Variants in GRIA2 observed in about 807,000 individuals in gnomAD.
GRIA2 encodes glutamate receptor 2.
In GRIA2, 14 loss-of-function variants were observed where a neutral mutation model predicts 97.3. The observed-to-expected ratio is 0.14, with a 90% CI of 0.10 to 0.23. The LOEUF is 0.23. Among genes scored for constraint, GRIA2 ranks in the 10% least tolerant of loss-of-function variants. The pLI, the probability that GRIA2 is intolerant of heterozygous loss-of-function variation, is 1.00. For synonymous variants in GRIA2, 412 were observed against 387.8 expected (o/e 1.06, Z -0.73); for missense variants, 558 against 1,069.8 (o/e 0.52, Z 6.67).
At chr4:157,237,235 T>C (rs926821654) in intron 2 of GRIA2, among the ~76,000 whole-genome samples, 3 of 152,060 alleles carry the variant, frequency 2.0e-5, no homozygotes, top group African/African-American at 7.2e-5. Context: ...GGTTAGCCAA[T>C]TGTCACAACG....
At chr4:157,310,404 T>C (rs1203493813) in intron 3 of GRIA2, among the ~76,000 whole-genome samples, 4 of 152,132 alleles carry the variant, frequency 2.6e-5, no homozygotes, top group African/African-American at 7.2e-5. Flanking sequence ...AAAAATAAAT[T>C]ATTTTTAATG....
intron 2 of GRIA2, among the ~76,000 whole-genome samples, chr4:157,256,226 A>AACATATATTACATATATAGGTTATATATT (rs1554007393): frequency 8.3e-6 from 1 of 119,872 alleles, no homozygotes; most frequent in African/African-American, 3.4e-5. Context: ...TATAATATAT[A>AACATATATTACATATATAGGTTATATATT]ATATATAATA....
chr4:157,269,636 T>G (rs9307961), intron 2 of GRIA2, among the ~76,000 whole-genome samples: 49,847 of 151,858 alleles, frequency 0.33, 8,594 homozygotes, highest in African/African-American at 0.42. Context: ...ATCTTTTCTT[T>G]TCTTAATAGT....
Position 157,229,179 on chromosome 4 carries a change from T to C in GRIA2, c.229+7372T>C, listed in dbSNP as rs562461206. 8.1e-4 allele frequency among the ~76,000 whole-genome samples: 123 copies of C among 152,356 alleles called. 1 individual carries two copies. Among genetic ancestry groups the C allele is most frequent in the African/African-American group, 2.7e-3 (114 of 41,588 alleles). ...TTGTGGACCAATTGCTCTATTTGCATTAATTTGTGCAATTATTTTGTATGC... is the reference window on the plus strand; with the variant it reads ...TTGTGGACCAATTGCTCTATTTGCACTAATTTGTGCAATTATTTTGTATGC... On this transcript the variant is annotated intron_variant, in intron 2 of 15. Transcript: ENST00000264426.
chr4:157,277,880 A>ATGTATATATGTATATATG (rs1732412646), intron 2 of GRIA2, among the ~76,000 whole-genome samples: 2 of 143,454 alleles, frequency 1.4e-5, no homozygotes, highest in Non-Finnish European at 3.1e-5. Flanking sequence ...ATGTATATAT[A>ATGTATATATGTATATATG]TGTATATATG....
At chr4:157,339,673 T>A (rs1304336706) in intron 11 of GRIA2, among the ~76,000 whole-genome samples, 1 of 151,900 alleles carries the variant, frequency 6.6e-6, no homozygotes, top group Admixed American at 6.6e-5. Flanking sequence ...CATAAATTAA[T>A]ACGCAATATG....
chr4:157,343,014 G>A (rs1232395667), intron 12 of GRIA2, among the ~76,000 whole-genome samples: 1 of 151,982 alleles, frequency 6.6e-6, no homozygotes, highest in East Asian at 1.9e-4. Context: ...GAATTATATG[G>A]CCAGTGTATT....
chr4:157,237,931 G>A (rs978405804), intron 2 of GRIA2, among the ~76,000 whole-genome samples: 7 of 152,086 alleles, frequency 4.6e-5, no homozygotes, highest in African/African-American at 1.4e-4. Flanking sequence ...AATGGGTTAC[G>A]ATTATGTCTT....
chr4:157,305,762 C>T (rs180835771), intron 3 of GRIA2, among the ~76,000 whole-genome samples: 1 of 152,222 alleles, frequency 6.6e-6, no homozygotes, highest in East Asian at 1.9e-4. Context: ...CTTTATAGTA[C>T]TTAGGACAAT....
chr4:157,341,269 T>A lies in GRIA2; in HGVS notation c.1850T>A (p.Leu617His), dbSNP rs771208114. 1 of 1,609,264 alleles carries A rather than the reference T, an allele frequency of 6.2e-7. No individual in the cohort carries two copies. The highest frequency in any genetic ancestry group is 1.7e-5 in the Admixed American group (1 of 59,912). ...CATTTCATACTTGTTATTAGATCCCTCTCTGGGCGCATTGTTGGAGGTGTG... is the reference window on the plus strand; with the variant it reads ...CATTTCATACTTGTTATTAGATCCCACTCTGGGCGCATTGTTGGAGGTGTG... ...QQGCDISPRS[L>H]SGRIVGGVWW... The change falls in exon 12 of 16, where the codon CTC becomes CAC. Residue 617 changes from leucine (L) to histidine (H), a missense_variant. Physicochemically the swap from Leu to His is moderately conservative, Grantham distance 99 (BLOSUM62 -3). Coordinates refer to ENST00000264426, the MANE Select transcript of GRIA2 (RefSeq NM_001083619.3).
chr4:157,247,664 C>A (rs1354249863), intron 2 of GRIA2, among the ~76,000 whole-genome samples: 1 of 152,088 alleles, frequency 6.6e-6, no homozygotes, highest in Non-Finnish European at 1.5e-5. Flanking sequence ...GGAGGCAGTA[C>A]ACTTCGACTT....
chr4:157,330,546 C>T (rs1322734959), intron 6 of GRIA2, among the ~76,000 whole-genome samples: 1 of 151,708 alleles, frequency 6.6e-6, no homozygotes, highest in Non-Finnish European at 1.5e-5. Flanking sequence ...TTTTCATTCT[C>T]CCCTTTTTTG....
chr4:157,346,902 A>G (rs1204569144), intron 12 of GRIA2, among the ~76,000 whole-genome samples: 2 of 152,026 alleles, frequency 1.3e-5, no homozygotes, highest in African/African-American at 4.8e-5. Flanking sequence ...TGACATTTTA[A>G]TTTTTTCTCA....
chr4:157,283,070 G>A (rs1007668955), intron 2 of GRIA2, among the ~76,000 whole-genome samples: 1 of 152,028 alleles, frequency 6.6e-6, no homozygotes, highest in Non-Finnish European at 1.5e-5. Context: ...ACCTCTAGAT[G>A]ATATTTTTTC....
intron 2 of GRIA2, among the ~76,000 whole-genome samples, chr4:157,280,355 GC>G (rs1359644895): frequency 6.6e-6 from 1 of 152,150 alleles, no homozygotes; most frequent in Non-Finnish European, 1.5e-5. Flanking sequence ...GAGAGTTAGT[GC>G]CCAGTGCAAC....
intron 6 of GRIA2, among the ~76,000 whole-genome samples, chr4:157,322,518 T>TG (rs758123642): frequency 6.6e-6 from 1 of 152,184 alleles, no homozygotes; most frequent in Non-Finnish European, 1.5e-5. Context: ...TGCATTTTAT[T>TG]GGGTATACAC....
chr4:157,247,603 T>A (rs1485478652), intron 2 of GRIA2, among the ~76,000 whole-genome samples: 1 of 152,144 alleles, frequency 6.6e-6, no homozygotes, highest in Non-Finnish European at 1.5e-5. Flanking sequence ...GGTGAGCAGG[T>A]CACCTGGAGC....
chr4:157,303,767 G>T lies in GRIA2; in HGVS notation c.445G>T (p.Ala149Ser). ...TGAATACTATCAATGGGACAAGTTT[G>T]CATACCTCTATGACAGTGACAGAGG... ...LIEYYQWDKFAYLYDSDRGLS... is the reference protein window; with the variant it reads ...LIEYYQWDKFSYLYDSDRGLS... Residue 149 changes from alanine (A) to serine (S), a missense_variant, in exon 3 of 16, where the codon GCA becomes TCA. Ala to Ser is a moderately conservative substitution (Grantham distance 99). Transcript: ENST00000264426. 6.2e-7 allele frequency: 1 copy of T among 1,613,750 alleles called. No homozygotes were observed. The highest frequency in any genetic ancestry group is 8.5e-7 in the Non-Finnish European group (1 of 1,179,694).
At chr4:157,245,720 A>G (rs1411265906) in intron 2 of GRIA2, among the ~76,000 whole-genome samples, 1 of 152,090 alleles carries the variant, frequency 6.6e-6, no homozygotes, top group African/African-American at 2.4e-5. Flanking sequence ...CTCTCTTGAT[A>G]ATCTTTATCA....
Sources: allele counts gnomAD v4.1 joint callset (sites outside exome capture counted in the v4.1 genomes callset), GRCh38; gene constraint gnomAD v4.1.1; transcripts MANE v1.5; gene names NCBI Gene and HGNC (gene_info 2026-07-23, HGNC 2026-07-21).